The following LPCAT2 variants were observed in gnomAD, a reference collection of about 807,000 sequenced individuals.
LPCAT2 encodes the protein lysophosphatidylcholine acyltransferase 2, also known as 1-AGP acyltransferase 11.
Under a neutral mutation model 64.7 loss-of-function variants are expected in LPCAT2, and 58 were observed. The observed-to-expected ratio is 0.90, with a 90% CI of 0.73 to 1.12. The LOEUF is 1.12. LPCAT2 is among the 50% of genes most tolerant of loss of function. LPCAT2 has a pLI of 0.00. For missense variants in LPCAT2, 579 were observed against 669.8 expected, an observed-to-expected ratio of 0.86 and a Z score of 1.50; for synonymous variants, 252 against 245.3, an observed-to-expected ratio of 1.03 and a Z score of -0.26.
chr16:55,583,349 T>C lies in LPCAT2; in HGVS notation c.*251T>C, dbSNP rs1963908962. ...CATTTACTGGTGATACATATGTTTTTATGGATTTTCCAGTTTAATTTGCAT... is the reference window on the plus strand; with the variant it reads ...CATTTACTGGTGATACATATGTTTTCATGGATTTTCCAGTTTAATTTGCAT... On this transcript the variant is annotated 3_prime_UTR_variant, in exon 14 of 14. Transcript: ENST00000262134. 3.0e-6 allele frequency: 1 copy of C among 333,832 alleles called. No homozygotes were observed. The highest frequency in any genetic ancestry group is 5.5e-6 in the Non-Finnish European group (1 of 180,798). The allele number at this position is 333,832 out of a possible 1,614,324, so 20.7% of individuals were successfully genotyped here. A position where few individuals can be genotyped will look rare whatever the true frequency, so the allele number is the denominator to read the frequency against.
At chr16:55,570,564 G>T (rs1183926374) in intron 11 of LPCAT2, among the ~76,000 whole-genome samples, 4 of 152,048 alleles carry the variant, frequency 2.6e-5, no homozygotes, top group African/African-American at 9.7e-5. Flanking sequence ...AGCCCGGGGG[G>T]TCCAGCCTGA....
chr16:55,580,529 C>T (rs1313889524), intron 13 of LPCAT2, among the ~76,000 whole-genome samples: 2 of 152,134 alleles, frequency 1.3e-5, no homozygotes, highest in Non-Finnish European at 2.9e-5. Context: ...TTGCAGAATA[C>T]AGAATATCTC....
At chr16:55,537,781 T>G in intron 8 of LPCAT2, 149 bp downstream of exon 8, 1 of 625,140 alleles carries the variant, frequency 1.6e-6, no homozygotes, top group East Asian at 2.8e-5. Flanking sequence ...ATTTAGCCCT[T>G]GAAATCATGT....
intron 1 of LPCAT2, among the ~76,000 whole-genome samples, chr16:55,519,378 G>A (rs932678543): frequency 1.1e-4 from 17 of 151,592 alleles, no homozygotes; most frequent in African/African-American, 3.9e-4. Flanking sequence ...GCGTGGTGGC[G>A]GGCGCCTGTA....
chr16:55,520,614 T>TA (rs1188642300), intron 1 of LPCAT2, among the ~76,000 whole-genome samples: 2 of 151,954 alleles, frequency 1.3e-5, no homozygotes, highest in Non-Finnish European at 2.9e-5. Flanking sequence ...TGCTGGGTCA[T>TA]AAAAAACCTC....
At chr16:55,517,429 G>C (rs995404692) in intron 1 of LPCAT2, among the ~76,000 whole-genome samples, 17 of 152,008 alleles carry the variant, frequency 1.1e-4, no homozygotes, top group African/African-American at 4.1e-4. Context: ...AAGAATTAAT[G>C]CCAATCCTTC....
Position 55,550,973 on chromosome 16 carries a change from G to A in LPCAT2, c.1086G>A (p.Lys362=). 2 of 1,605,166 alleles carry A rather than the reference G, an allele frequency of 1.2e-6. No individual in the cohort carries two copies. The highest frequency in any genetic ancestry group is 1.7e-6 in the Non-Finnish European group (2 of 1,174,078). Residue 362 remains lysine, a synonymous_variant, in exon 11 of 14, where the codon AAG becomes AAA. Coordinates refer to ENST00000262134, the MANE Select transcript of LPCAT2 (RefSeq NM_017839.5). ...KLKLDWDGVR[K]HLDEYASIAS... is the part of the protein sequence containing the mutation. ...GATTAGATTGGGATGGTGTTCGTAA[G>A]CATTTGGATGAATATGCATCTATTG...
chr16:55,509,388 A>AG (rs749357907), intron 1 of LPCAT2, 36 bp downstream of exon 1: 4 of 1,108,834 alleles, frequency 3.6e-6, no homozygotes, highest in African/African-American at 5.8e-5. Flanking sequence ...AGGTGGTCTG[A>AG]GGGGGGCCTA....
At chr16:55,540,013 G>T (rs1253547449) in intron 8 of LPCAT2, 2 of 151,938 alleles carry the variant, frequency 1.3e-5, no homozygotes, top group African/African-American at 4.8e-5. Context: ...CATTATGTTG[G>T]CTGCCATATC....
intron 1 of LPCAT2, among the ~76,000 whole-genome samples, chr16:55,512,432 C>T (rs1962946243): frequency 6.6e-6 from 1 of 151,878 alleles, no homozygotes; most frequent in South Asian, 2.1e-4. Context: ...AACATTACCC[C>T]AGCCCCTTTT....
chr16:55,575,472 A>G (rs1360606393), intron 12 of LPCAT2, among the ~76,000 whole-genome samples: 1 of 152,198 alleles, frequency 6.6e-6, no homozygotes, highest in East Asian at 1.9e-4. Context: ...CTCAAGTAAA[A>G]GAGAAACTTC....
In LPCAT2 at chr16:55,582,064, A is replaced by T. The variant is rs148400180; in HGVS notation, c.1451-850A>T. ...AAATGGTTTTAAAAACCAATTATAG[A>T]AAGTGGTGGGTAATATAATTTTTTA... On this transcript the variant is annotated intron_variant, in intron 13 of 13. Coordinates refer to ENST00000262134, the MANE Select transcript of LPCAT2 (RefSeq NM_017839.5). Among the ~76,000 whole-genome samples the T allele has an allele frequency of 7.2e-5, 11 of 152,324 alleles. No individual in the cohort carries two copies. The East Asian group carries it at 2.1e-3, about 29-fold the overall frequency.
chr16:55,549,948 G>C (rs1037925238), intron 10 of LPCAT2, among the ~76,000 whole-genome samples: 1 of 151,986 alleles, frequency 6.6e-6, no homozygotes, highest in Non-Finnish European at 1.5e-5. Flanking sequence ...CGCTATAAAA[G>C]GTGTAACCCT....
intron 1 of LPCAT2, among the ~76,000 whole-genome samples, chr16:55,514,012 G>A (rs1474633416): frequency 3.3e-5 from 5 of 152,050 alleles, no homozygotes; most frequent in Admixed American, 6.5e-5. Flanking sequence ...AGGCCAGCCC[G>A]GGCAACATAG....
chr16:55,570,834 G>A (rs1170658882), intron 11 of LPCAT2, among the ~76,000 whole-genome samples: 1 of 152,110 alleles, frequency 6.6e-6, no homozygotes, highest in Admixed American at 6.5e-5. Context: ...AGAATATTCA[G>A]TTAAATCGAA....
At position 55,534,459 on chromosome 16, in the gene LPCAT2, C is replaced by A; in HGVS notation, c.779C>A (p.Thr260Lys). The A allele has an allele frequency of 6.5e-7, 1 of 1,532,066 alleles. No homozygotes were observed. The highest frequency in any genetic ancestry group is 8.9e-7 in the Non-Finnish European group (1 of 1,122,104). 94.9% of individuals were successfully genotyped at this position (1,532,066 alleles called of 1,614,324 possible). The change falls in exon 7 of 14, where the codon ACA becomes AAA. Residue 260 changes from threonine (T) to lysine (K), a missense_variant. Thr to Lys is a moderately conservative substitution (Grantham distance 78). Coordinates refer to ENST00000262134, the MANE Select transcript of LPCAT2 (RefSeq NM_017839.5). ...TTATTATAGGATACTGTGACCTGGACATGGCAAGGATATACATTGTAAGTC... is the reference window on the plus strand; with the variant it reads ...TTATTATAGGATACTGTGACCTGGAAATGGCAAGGATATACATTGTAAGTC... ...YPNKLDTVTW[T>K]WQGYTFIQLC...
chr16:55,554,211 T>C (rs1481052301), intron 11 of LPCAT2, among the ~76,000 whole-genome samples: 3 of 152,186 alleles, frequency 2.0e-5, no homozygotes, highest in Non-Finnish European at 4.4e-5. Context: ...AGGATCAGCC[T>C]GTCTTTTGAA....
chr16:55,574,789 G>A (rs573039466), intron 12 of LPCAT2, 60 bp downstream of exon 12: 3 of 1,213,644 alleles, frequency 2.5e-6, no homozygotes, highest in African/African-American at 3.0e-5. Flanking sequence ...TTGACTCTAA[G>A]TGTATTATTT....
intron 11 of LPCAT2, among the ~76,000 whole-genome samples, chr16:55,572,335 A>G (rs1484195170): frequency 6.6e-6 from 1 of 152,218 alleles, no homozygotes; most frequent in East Asian, 1.9e-4. Flanking sequence ...TTCCAATTAT[A>G]CAGACAATCT....
Sources: gnomAD v4.1 joint callset for allele counts (sites outside exome capture counted in the v4.1 genomes callset) on GRCh38, gnomAD v4.1.1 for gene constraint, MANE v1.5 for transcripts, NCBI Gene and HGNC (gene_info 2026-07-23, HGNC 2026-07-21) for gene names.